CLSTN3: variants seen among roughly 807,000 people sequenced by gnomAD.
CLSTN3 encodes the protein calsyntenin-3.
Under a neutral mutation model 95.9 loss-of-function variants are expected in CLSTN3, and 36 were observed. The observed-to-expected ratio is 0.38, with a 90% CI of 0.29 to 0.50. The LOEUF (loss-of-function observed/expected upper bound fraction) is 0.50, where lower values mean the gene tolerates loss of function less well. CLSTN3 is among the 20% of genes least tolerant of loss of function. The probability of loss-of-function intolerance (pLI) is 0.95; values close to 1 mark genes in which losing one functional copy is unlikely to be tolerated. For missense variants in CLSTN3, 1,084 were observed against 1,268.8 expected, an observed-to-expected ratio of 0.85 and a Z score of 2.21; for synonymous variants, 481 against 504.0, an observed-to-expected ratio of 0.95 and a Z score of 0.61.
chr12:7,130,980 G>A (rs1448924344), intron 1 of CLSTN3: 3 of 564,092 alleles, frequency 5.3e-6, no homozygotes, highest in East Asian at 3.0e-5. Flanking sequence ...CCGTCCTGGG[G>A]TCTCTATTCT....
chr12:7,135,354 T>C lies in CLSTN3; in HGVS notation c.411T>C (p.Asp137=). ...CCACTGTGCATGTGCGGGTCAACGA[T>C]GTGAACGAGTTTGCCCCAGTGTTTG... ...HKATVHVRVN[D]VNEFAPVFVE... The change falls in exon 4 of 18, where the codon GAT becomes GAC. Residue 137 remains aspartate (D), a synonymous_variant. Coordinates refer to ENST00000266546, the MANE Select transcript of CLSTN3 (RefSeq NM_014718.4). 3.1e-6 allele frequency: 5 copies of C among 1,614,150 alleles called. No individual in the cohort carries two copies. Among genetic ancestry groups the C allele is most frequent in the Non-Finnish European group, 4.2e-6 (5 of 1,180,010 alleles).
rs1411309598 is a variant in CLSTN3, at chr12:7,135,430, A to G, written c.487A>G (p.Ile163Val). ...AVTEGKLYDR[I>V]LRVEAIDGDC... Reference sequence around the variant, plus strand: ...GACAGAGGGGAAGCTGTACGATCGCATCCTGCGGGTGGAAGCCATTGACGG... The same window carrying G: ...GACAGAGGGGAAGCTGTACGATCGCGTCCTGCGGGTGGAAGCCATTGACGG... The change falls in exon 4 of 18, where the codon ATC becomes GTC. Residue 163 changes from isoleucine (I) to valine (V), a missense_variant. Ile to Val is a conservative substitution (Grantham distance 29). Transcript: ENST00000266546. 1 of 1,613,956 alleles carries G rather than the reference A, an allele frequency of 6.2e-7. No individual in the cohort carries two copies. Among genetic ancestry groups the G allele is most frequent in the Admixed American group, 1.7e-5 (1 of 59,998 alleles).
At chr12:7,148,206 AAGAAAG>A (rs1271858815) in intron 12 of CLSTN3, among the ~76,000 whole-genome samples, 2 of 140,844 alleles carry the variant, frequency 1.4e-5, no homozygotes, top group African/African-American at 5.3e-5. Context: ...GAAAGAAAGA[AAGAAAG>A]AAATGTGGGA....
rs767109868 is a variant in CLSTN3 at position 7,136,343 on chromosome 12, G to A, written c.880G>A (p.Gly294Ser). ...GCTGCAGACCAGCCATGTGGCCAAG[G>A]GCTGTGACCGTGACAACTACTCAGA... is the stretch of plus-strand genomic sequence containing the variant. ...IELQTSHVAK[G>S]CDRDNYSERA... is the part of the protein sequence containing the mutation. The change falls in exon 6 of 18, where the codon GGC becomes AGC. Residue 294 changes from glycine to serine, a missense_variant. By Grantham distance (56) the Gly-to-Ser change is moderately conservative (BLOSUM62 0). Transcript: ENST00000266546. The A allele has an allele frequency of 2.5e-6, 4 of 1,614,126 alleles. No homozygotes were observed. In the Admixed American group the frequency reaches 5.0e-5, roughly 20 times the overall value.
At chr12:7,140,438 T>G (rs1234145100) in intron 8 of CLSTN3, among the ~76,000 whole-genome samples, 2 of 152,084 alleles carry the variant, frequency 1.3e-5, no homozygotes, top group Non-Finnish European at 2.9e-5. Flanking sequence ...ATGAGGTGAC[T>G]TCTAGGAAAA....
intron 3 of CLSTN3, among the ~76,000 whole-genome samples, chr12:7,134,341 C>T (rs1172517264): frequency 3.3e-5 from 5 of 152,194 alleles, no homozygotes; most frequent in South Asian, 2.1e-4. Flanking sequence ...GAAAGAGGCT[C>T]GGGTCTGGGA....
chr12:7,141,255 A>T lies in CLSTN3; in HGVS notation c.1337A>T (p.Glu446Val), dbSNP rs758063912. 2 of 1,613,978 alleles carry T rather than the reference A, an allele frequency of 1.2e-6. No individual in the cohort carries two copies. Among genetic ancestry groups the T allele is most frequent in the Non-Finnish European group, 1.7e-6 (2 of 1,179,952 alleles). Residue 446 changes from glutamate to valine, a missense_variant, in exon 9 of 18, where the codon GAG becomes GTG. By Grantham distance (121) the Glu-to-Val change is moderately radical. Transcript: ENST00000266546. This position sits in a 1 kb window ranked among gnomAD's most constrained non-coding sequence, Gnocchi z 4.1. ...LWKLEQVCDD[E>V]WHHYALNLEF... ...CTACTCTCCCAGGTCTGTGATGATG[A>T]GTGGCACCACTACGCTCTGAACCTC...
rs970630786 is a variant in CLSTN3, at chr12:7,133,311, G to C, written c.187+165G>C. Reference sequence around the variant, plus strand: ...GTCTCCACTGAAGAATGGAGATTGAGTCAAGGATGCCAGAAAAGGACATGG... The same window carrying C: ...GTCTCCACTGAAGAATGGAGATTGACTCAAGGATGCCAGAAAAGGACATGG... On this transcript the variant is annotated intron_variant, in intron 2 of 17. Coordinates refer to ENST00000266546, the MANE Select transcript of CLSTN3 (RefSeq NM_014718.4). The surrounding 1 kb of genome is among the most constrained non-coding windows in gnomAD (Gnocchi z 4.7). Among the ~76,000 whole-genome samples, 1 of 152,198 alleles carries C rather than the reference G, an allele frequency of 6.6e-6. No individual in the cohort carries two copies. The highest frequency in any genetic ancestry group is 1.5e-5 in the Non-Finnish European group (1 of 68,034).
At chr12:7,130,310 C>CG, upstream of CLSTN3, 5 of 815,310 alleles carry the variant, frequency 6.1e-6, no homozygotes, top group Non-Finnish European at 6.5e-6. Context: ...TGGTCCCCCC[C>CG]CCTCCCAGTC....
In CLSTN3 at chr12:7,133,163, G is replaced by T. The variant is rs1939338960; in HGVS notation, c.187+17G>T. On this transcript the variant is annotated intron_variant, in intron 2 of 17. Coordinates refer to ENST00000266546, the MANE Select transcript of CLSTN3 (RefSeq NM_014718.4). The surrounding 1 kb of genome is among the most constrained non-coding windows in gnomAD (Gnocchi z 4.7). ...GCTATGCAGGTAATTGGGATTGGGG[G>T]ATGGCAAGGCAGGGTAGGACAGAGA... 1.4e-6 allele frequency: 2 copies of T among 1,475,628 alleles called. No individual in the cohort carries two copies. Among genetic ancestry groups the T allele is most frequent in the Non-Finnish European group, 9.2e-7 (1 of 1,092,682 alleles). The allele number at this position is 1,475,628 out of a possible 1,614,324, so 91.4% of individuals were successfully genotyped here. A position where few individuals can be genotyped will look rare whatever the true frequency, so the allele number is the denominator to read the frequency against.
At position 7,149,082 on chromosome 12, in the gene CLSTN3, G is replaced by T. The variant is rs755588426; in HGVS notation, c.1958G>T (p.Arg653Leu). 1.9e-6 allele frequency: 3 copies of T among 1,614,194 alleles called. No homozygotes were observed. The highest frequency in any genetic ancestry group is 1.7e-5 in the Admixed American group (1 of 60,026). The change falls in exon 13 of 18, where the codon CGC becomes CTC. Residue 653 changes from arginine to leucine, a missense_variant. Arg to Leu is a moderately radical substitution (Grantham distance 102). Transcript: ENST00000266546. This position sits in a 1 kb window ranked among gnomAD's most constrained non-coding sequence, Gnocchi z 4.5. ...ILLSGTAHFA[R>L]PAVDFEGTNG... ...CTGAGTGGCACTGCTCATTTTGCCCGCCCAGCTGTGGACTTTGAGGGAACC... is the reference window on the plus strand; with the variant it reads ...CTGAGTGGCACTGCTCATTTTGCCCTCCCAGCTGTGGACTTTGAGGGAACC...
chr12:7,146,443 G>A (rs1939623287), intron 12 of CLSTN3, among the ~76,000 whole-genome samples: 1 of 152,088 alleles, frequency 6.6e-6, no homozygotes, highest in Non-Finnish European at 1.5e-5. Context: ...TCTTATCATG[G>A]CATTTAAAGC....
intron 16 of CLSTN3, chr12:7,156,466 G>A (rs1157489645): frequency 2.2e-6 from 1 of 456,844 alleles, no homozygotes; most frequent in African/African-American, 2.0e-5. Flanking sequence ...AGCTGGTGGG[G>A]AGCTGGGTGA....
chr12:7,151,233 C>A, intron 16 of CLSTN3, 170 bp downstream of exon 16: 1 of 638,750 alleles, frequency 1.6e-6, no homozygotes, highest in Non-Finnish European at 2.5e-6. Flanking sequence ...CCCTCTCTCC[C>A]TTTGGATCAT....
At position 7,133,608 on chromosome 12, in the gene CLSTN3, G is replaced by A. The variant is rs767482993; in HGVS notation, c.223G>A (p.Val75Met). The change falls in exon 3 of 18, where the codon GTG becomes ATG. Residue 75 changes from valine to methionine, a missense_variant. Transcript: ENST00000266546. This position sits in a 1 kb window ranked among gnomAD's most constrained non-coding sequence, Gnocchi z 4.7. ...CGGCTTCCGGCTCCATGGGTCTGGG[G>A]TGCCCTTTGAGGCTGTGATCCTTGA... is the stretch of plus-strand genomic sequence containing the variant. Reference protein sequence around the residue: ...ICGFRLHGSGVPFEAVILDKA... With the variant: ...ICGFRLHGSGMPFEAVILDKA... 3.1e-6 allele frequency: 5 copies of A among 1,614,100 alleles called. No individual in the cohort carries two copies. The highest frequency in any genetic ancestry group is 4.2e-6 in the Non-Finnish European group (5 of 1,180,010).
At chr12:7,151,711 T>C (rs1835624904) in intron 16 of CLSTN3, among the ~76,000 whole-genome samples, 1 of 152,156 alleles carries the variant, frequency 6.6e-6, no homozygotes, top group African/African-American at 2.4e-5. Flanking sequence ...TTTCAACTTT[T>C]GAGTTGCGTA....
chr12:7,130,295 G>GC, upstream of CLSTN3: 1 of 854,910 alleles, frequency 1.2e-6, no homozygotes, highest in Non-Finnish European at 1.6e-6. Flanking sequence ...CCCCGCTGCA[G>GC]CACCTGGTCC....
chr12:7,129,976 C>T (rs1039326945), upstream of CLSTN3: 8 of 230,376 alleles, frequency 3.5e-5, no homozygotes, highest in African/African-American at 1.9e-4. This position sits in a 1 kb window ranked among gnomAD's most constrained non-coding sequence, Gnocchi z 5.5. Flanking sequence ...TTACTTCACC[C>T]TTCCCAGAGG....
Position 7,150,980 on chromosome 12 carries a change from G to A in CLSTN3, c.2444G>A (p.Ser815Asn), listed in dbSNP as rs1939713720. Residue 815 changes from serine to asparagine, a missense_variant, in exon 16 of 18, where the codon AGC becomes AAC. By Grantham distance (46) the Ser-to-Asn change is conservative. Coordinates refer to ENST00000266546, the MANE Select transcript of CLSTN3 (RefSeq NM_014718.4). The surrounding 1 kb of genome is among the most constrained non-coding windows in gnomAD (Gnocchi z 4.0). ...NRVAHPSHVL[S>N]SQQFLHRGHQ... ...GTTGCCCACCCCAGCCACGTGCTCAGCTCCCAGCAGTTCCTGCACCGTGGT... is the reference window on the plus strand; with the variant it reads ...GTTGCCCACCCCAGCCACGTGCTCAACTCCCAGCAGTTCCTGCACCGTGGT... 6.2e-7 allele frequency: 1 copy of A among 1,613,364 alleles called. No individual in the cohort carries two copies. The highest frequency in any genetic ancestry group is 8.5e-7 in the Non-Finnish European group (1 of 1,179,646).
Sources: gnomAD v4.1 joint callset for allele counts (sites outside exome capture counted in the v4.1 genomes callset) on GRCh38, gnomAD v4.1.1 for gene constraint, Gnocchi (gnomAD v3.1) non-coding constraint, MANE v1.5 for transcripts, NCBI Gene and HGNC (gene_info 2026-07-23, HGNC 2026-07-21) for gene names.